Variants in MDFIC2 observed in about 807,000 individuals in gnomAD.
MDFIC2 encodes myoD family inhibitor domain-containing protein 2.
At chr3:70,218,565 T>A (rs879426659) in intron 2 of MDFIC2, among the ~76,000 whole-genome samples, 12 of 152,104 alleles carry the variant, frequency 7.9e-5, no homozygotes, top group Non-Finnish European at 1.8e-4. Flanking sequence ...GCTGCAGTAG[T>A]GGCCTGAGTA....
chr3:70,222,337 T>G (rs1028363246), intron 2 of MDFIC2, among the ~76,000 whole-genome samples: 5 of 152,214 alleles, frequency 3.3e-5, no homozygotes. Context: ...ATAAAACTAC[T>G]CATTTTAGCT....
At chr3:70,247,675 T>C (rs897894383) in intron 2 of MDFIC2, among the ~76,000 whole-genome samples, 1 of 151,966 alleles carries the variant, frequency 6.6e-6, no homozygotes, top group Non-Finnish European at 1.5e-5. Flanking sequence ...ATCCCAATCA[T>C]CATTATCATT....
intron 2 of MDFIC2, among the ~76,000 whole-genome samples, chr3:70,224,328 A>T (rs967640867): frequency 1.3e-5 from 2 of 152,200 alleles, no homozygotes; most frequent in African/African-American, 4.8e-5. Context: ...ATTTGGAGAG[A>T]TGACTCCATG....
chr3:70,226,507 G>T (rs1701508045), intron 2 of MDFIC2, among the ~76,000 whole-genome samples: 1 of 152,138 alleles, frequency 6.6e-6, no homozygotes, highest in African/African-American at 2.4e-5. Context: ...GGAGGCTGAG[G>T]CATGTGGATT....
chr3:70,222,922 C>A (rs1185476490), intron 2 of MDFIC2, among the ~76,000 whole-genome samples: 1 of 152,138 alleles, frequency 6.6e-6, no homozygotes, highest in Non-Finnish European at 1.5e-5. Flanking sequence ...GCTTGGTAAG[C>A]CCAAATGGTA....
At chr3:70,276,090 A>G (rs1702023049) in intron 2 of MDFIC2, among the ~76,000 whole-genome samples, 1 of 152,176 alleles carries the variant, frequency 6.6e-6, no homozygotes, top group Admixed American at 6.5e-5. Flanking sequence ...TATAATTAAG[A>G]TAATATGATA....
At chr3:70,280,855 AG>A (rs139947995) in intron 2 of MDFIC2, among the ~76,000 whole-genome samples, 2,570 of 152,276 alleles carry the variant, frequency 0.017, 28 homozygotes, top group Non-Finnish European at 0.027. Context: ...CCCAGAAGGA[AG>A]GGACGCTGCA....
chr3:70,232,024 A>C (rs187684681), intron 2 of MDFIC2, among the ~76,000 whole-genome samples: 1 of 152,182 alleles, frequency 6.6e-6, no homozygotes, highest in African/African-American at 2.4e-5. Context: ...TTAGCCATTA[A>C]TAAGCATATT....
chr3:70,219,348 CG>C (rs1175770451), intron 2 of MDFIC2, among the ~76,000 whole-genome samples: 1 of 152,088 alleles, frequency 6.6e-6, no homozygotes, highest in African/African-American at 2.4e-5. Context: ...TGCATGCTCC[CG>C]ATTCACAAAC....
intron 2 of MDFIC2, among the ~76,000 whole-genome samples, chr3:70,213,673 G>A (rs59892538): frequency 6.6e-6 from 1 of 152,108 alleles, no homozygotes; most frequent in African/African-American, 2.4e-5. Flanking sequence ...TGAAAATTTT[G>A]TGAAGTTCAT....
At chr3:70,288,671 C>T (rs531718165) in intron 2 of MDFIC2, among the ~76,000 whole-genome samples, 29 of 151,716 alleles carry the variant, frequency 1.9e-4, no homozygotes, top group Non-Finnish European at 3.5e-4. Context: ...TTAAAGTCTC[C>T]CATTATTAAT....
intron 2 of MDFIC2, among the ~76,000 whole-genome samples, chr3:70,296,165 A>G (rs1489183073): frequency 6.6e-6 from 1 of 152,212 alleles, no homozygotes; most frequent in Non-Finnish European, 1.5e-5. Flanking sequence ...AATAAGACAA[A>G]CATAAAACGA....
At chr3:70,294,949 T>C (rs560007647) in intron 2 of MDFIC2, among the ~76,000 whole-genome samples, 36 of 152,252 alleles carry the variant, frequency 2.4e-4, no homozygotes, top group African/African-American at 8.2e-4. Context: ...AACTCACCTC[T>C]CCTGAAGCAA....
rs139498581 is a variant in MDFIC2 at position 70,201,763 on chromosome 3, G to T, written c.311-4578C>A. Among the ~76,000 whole-genome samples the T allele has an allele frequency of 1.5e-3, 233 of 152,254 alleles. 1 individual carries two copies. The highest frequency in any genetic ancestry group is 5.2e-3 in the African/African-American group (215 of 41,556). On this transcript the variant is annotated intron_variant, in intron 3 of 3. Transcript: ENST00000567252. Reference sequence around the variant, plus strand: ...ACAGGCCACTACCAGCTTCTTGATGGCCTGCTTCCCTCTCCATTCCCTCCT... The same window carrying T: ...ACAGGCCACTACCAGCTTCTTGATGTCCTGCTTCCCTCTCCATTCCCTCCT...
chr3:70,207,121 C>T (rs1701299004), intron 2 of MDFIC2, among the ~76,000 whole-genome samples: 1 of 151,182 alleles, frequency 6.6e-6, no homozygotes, highest in Non-Finnish European at 1.5e-5. Context: ...TTGTCAGCCT[C>T]CTGTCACAGA....
At chr3:70,312,022 A>C in intron 1 of MDFIC2, 49 bp from the exon 2 acceptor site, 1 of 397,138 alleles carries the variant, frequency 2.5e-6, no homozygotes, top group East Asian at 3.6e-5. Flanking sequence ...AAGAACCCAA[A>C]TTTATAACAT....
chr3:70,243,700 C>G (rs1701681139), intron 2 of MDFIC2, among the ~76,000 whole-genome samples: 1 of 152,072 alleles, frequency 6.6e-6, no homozygotes, highest in African/African-American at 2.4e-5. Flanking sequence ...TCCTAACGTC[C>G]CCTGGGGAGT....
At chr3:70,277,066 G>A (rs1223868554) in intron 2 of MDFIC2, among the ~76,000 whole-genome samples, 70 of 152,180 alleles carry the variant, frequency 4.6e-4, no homozygotes, top group Non-Finnish European at 1.5e-5. Context: ...AGTGAAATCA[G>A]AATTATTGAG....
chr3:70,305,961 A>G (rs1037061898), intron 2 of MDFIC2, among the ~76,000 whole-genome samples: 1 of 152,130 alleles, frequency 6.6e-6, no homozygotes, highest in South Asian at 2.1e-4. Context: ...TTGGATTATT[A>G]GTCTCTAATA....
Sources: allele counts gnomAD v4.1 joint callset (sites outside exome capture counted in the v4.1 genomes callset), GRCh38; gene constraint gnomAD v4.1.1; transcripts MANE v1.5; gene names NCBI Gene and HGNC (gene_info 2026-07-23, HGNC 2026-07-21).